Variants in USP9X observed in about 807,000 individuals in gnomAD.
The protein encoded by USP9X is ubiquitin specific peptidase 9 X-linked, also known as ubiquitin carboxyl-terminal hydrolase 9X.
USP9X carries 7 observed loss-of-function variants against 190.3 expected under a neutral mutation model. That is an observed-to-expected ratio of 0.04 (90% confidence interval 0.02 to 0.07). The LOEUF is 0.07. Ranked by LOEUF, USP9X falls within the 10% of genes least tolerant of loss-of-function variation. The pLI is 1.00. For missense variants in USP9X, 1,010 were observed against 1,916.9 expected (o/e 0.53, Z 8.83); for synonymous variants, 645 against 659.5 (o/e 0.98, Z 0.34).
chrX:41,085,832 G>A lies in USP9X; in HGVS notation c.-436G>A, dbSNP rs910835885. 2 of 297,509 alleles carry A rather than the reference G, an allele frequency of 6.7e-6. No individual in the cohort carries two copies. Among genetic ancestry groups the A allele is most frequent in the Non-Finnish European group, 1.2e-5 (2 of 170,633 alleles). 24.5% of individuals were successfully genotyped at this position (297,509 alleles called of 1,213,427 possible). A position where few individuals can be genotyped will look rare whatever the true frequency, so the allele number is the denominator to read the frequency against. ...CCGTCTGAGCTCAGCGAGAGCCCCA[G>A]CCTGAGGGGAGAAGGGGAAGAGGGC... On this transcript the variant is annotated 5_prime_UTR_variant, in exon 1 of 45. Coordinates refer to ENST00000378308, the MANE Select transcript of USP9X (RefSeq NM_001039591.3).
At chrX:41,128,012 T>C (rs2062271192) in intron 2 of USP9X, among the ~76,000 whole-genome samples, 1 of 112,043 alleles carries the variant, frequency 8.9e-6, no homozygotes, top group African/African-American at 3.2e-5. Flanking sequence ...GAAAATATTA[T>C]GCACTGTTAA....
At chrX:41,156,869 G>C (rs967404601) in intron 14 of USP9X, among the ~76,000 whole-genome samples, 1 of 111,584 alleles carries the variant, frequency 9.0e-6, no homozygotes, top group African/African-American at 3.3e-5. Flanking sequence ...GAGAGTGCTT[G>C]TGGCTCCCTT....
At chrX:41,110,204 GC>G (rs1429713251) in intron 1 of USP9X, among the ~76,000 whole-genome samples, 5 of 111,466 alleles carry the variant, frequency 4.5e-5, no homozygotes, top group African/African-American at 1.6e-4. Flanking sequence ...AGTAGCTGGG[GC>G]TATAGGTGTG....
chrX:41,215,309 C>T (rs958917847), intron 34 of USP9X, among the ~76,000 whole-genome samples: 1 of 112,715 alleles, frequency 8.9e-6, no homozygotes, highest in African/African-American at 3.2e-5. Context: ...AACCCTTTCA[C>T]CCTCAAGTCA....
chrX:41,211,838 G>T (rs1248412884), intron 33 of USP9X, among the ~76,000 whole-genome samples: 1 of 75,253 alleles, frequency 1.3e-5, no homozygotes, highest in Non-Finnish European at 2.6e-5. Context: ...GGAGGGAGGT[G>T]GGGGGGTCAG....
chrX:41,191,437 A>G (rs1238801894), intron 26 of USP9X, among the ~76,000 whole-genome samples: 1 of 111,587 alleles, frequency 9.0e-6, no homozygotes, highest in Non-Finnish European at 1.9e-5. Flanking sequence ...TGGAGTTTAT[A>G]ATCCTATAGT....
intron 1 of USP9X, among the ~76,000 whole-genome samples, chrX:41,120,307 C>G (rs1382626448): frequency 1.8e-5 from 2 of 112,074 alleles, no homozygotes; most frequent in Non-Finnish European, 3.8e-5. Context: ...AGGGATGATA[C>G]TAGTTCCTAC....
rs750378353 is a variant in USP9X at position 41,140,645 on chromosome X, T to C, written c.655-11T>C. ...GTAGGAAGTTAACTTTTTTCATTAA[T>C]TGTGTTACAGGGTTGGCTAGTGGAT... On this transcript the variant is annotated splice_polypyrimidine_tract_variant and intron_variant, in intron 6 of 44. Transcript: ENST00000378308. The C allele has an allele frequency of 2.6e-6, 3 of 1,166,983 alleles. No individual in the cohort carries two copies. In the African/African-American group the frequency reaches 5.4e-5, roughly 21 times the overall value.
In USP9X at chrX:41,138,883, T is replaced by C. The variant is rs1334098775; in HGVS notation, c.655-1773T>C. On this transcript the variant is annotated intron_variant, in intron 6 of 44. Coordinates refer to ENST00000378308, the MANE Select transcript of USP9X (RefSeq NM_001039591.3). ...TGTAAGCTATGTGGTCATTTTGAATTTTCTATTTAGGGCGACTGATCTTTC... is the reference window on the plus strand; with the variant it reads ...TGTAAGCTATGTGGTCATTTTGAATCTTCTATTTAGGGCGACTGATCTTTC... Among the ~76,000 whole-genome samples, 3 of 112,851 alleles carry C rather than the reference T, an allele frequency of 2.7e-5. No homozygotes were observed. The Admixed American group carries it at 2.8e-4, about 11-fold the overall frequency.
In USP9X at chrX:41,140,660, G is replaced by T; in HGVS notation, c.659G>T (p.Trp220Leu). The change falls in exon 7 of 45, where the codon TGG becomes TTG. Residue 220 changes from tryptophan to leucine, a missense_variant. Coordinates refer to ENST00000378308, the MANE Select transcript of USP9X (RefSeq NM_001039591.3). Reference protein sequence around the residue: ...RSPDPRSPKGWLVDLLNKFGT... With the variant: ...RSPDPRSPKGLLVDLLNKFGT... ...TTTTCATTAATTGTGTTACAGGGTTGGCTAGTGGATCTTCTCAACAAATTT... is the reference window on the plus strand; with the variant it reads ...TTTTCATTAATTGTGTTACAGGGTTTGCTAGTGGATCTTCTCAACAAATTT... 1 of 1,196,815 alleles carries T rather than the reference G, an allele frequency of 8.4e-7. No individual in the cohort carries two copies. Among genetic ancestry groups the T allele is most frequent in the Non-Finnish European group, 1.1e-6 (1 of 886,001 alleles).
rs1229902330 is a variant in USP9X at position 41,124,129 on chromosome X, CTG to C, written c.96+407_96+408del. Among the ~76,000 whole-genome samples, 6 of 110,746 alleles carry C rather than the reference CTG, an allele frequency of 5.4e-5. No individual in the cohort carries two copies. In the South Asian group the frequency reaches 1.5e-3, roughly 28 times the overall value. On this transcript the variant is annotated intron_variant, in intron 2 of 44. Coordinates refer to ENST00000378308, the MANE Select transcript of USP9X (RefSeq NM_001039591.3). ...ATGTTCTAAATAATTTGTGAAGCAA[CTG>C]TTATTTTAAGTTTTGATTAACAAAA...
intron 1 of USP9X, among the ~76,000 whole-genome samples, chrX:41,092,948 T>C (rs1429274018): frequency 9.0e-6 from 1 of 110,938 alleles, no homozygotes; most frequent in Non-Finnish European, 1.9e-5. Context: ...TCATAGCTCA[T>C]TGTAGCCTGG....
At chrX:41,198,800 GT>G (rs1485616581) in intron 30 of USP9X, 50 bp downstream of exon 30, 1 of 1,067,448 alleles carries the variant, frequency 9.4e-7, no homozygotes, top group Admixed American at 2.9e-5. Context: ...ATGTTTCAAA[GT>G]TGTTTTCCTG....
chrX:41,101,423 C>CA (rs1223031371), intron 1 of USP9X, among the ~76,000 whole-genome samples: 236 of 93,558 alleles, frequency 2.5e-3, no homozygotes, highest in African/African-American at 4.5e-3. Context: ...ACCAAAAATA[C>CA]AAAAAAAAAA....
chrX:41,127,203 T>C (rs911482795), intron 2 of USP9X, among the ~76,000 whole-genome samples: 3 of 112,209 alleles, frequency 2.7e-5, no homozygotes, highest in Non-Finnish European at 5.6e-5. Context: ...TTGTTAGCAG[T>C]AAAAATTACC....
At chrX:41,181,325 C>T (rs1462178148) in intron 21 of USP9X, among the ~76,000 whole-genome samples, 3 of 91,626 alleles carry the variant, frequency 3.3e-5, no homozygotes, top group Non-Finnish European at 6.3e-5. Flanking sequence ...GTGTCCCAGG[C>T]TAGAGTGCAG....
rs1184813385 is a variant in USP9X at position 41,085,916 on chromosome X, G to C, written c.-352G>C. 10 of 296,216 alleles carry C rather than the reference G, an allele frequency of 3.4e-5. No homozygotes were observed. The highest frequency in any genetic ancestry group is 5.9e-5 in the Non-Finnish European group (10 of 170,267). 24.4% of individuals were successfully genotyped at this position (296,216 alleles called of 1,213,427 possible). A position where few individuals can be genotyped will look rare whatever the true frequency, so the allele number is the denominator to read the frequency against. On this transcript the variant is annotated 5_prime_UTR_variant, in exon 1 of 45. Transcript: ENST00000378308. ...CGGCGAGGAGCGAGTTCCGGCGCCG[G>C]TGTGCAGCCTTTTGGTTGAGACGCC...
intron 14 of USP9X, among the ~76,000 whole-genome samples, chrX:41,157,398 A>G (rs763795359): frequency 1.8e-5 from 2 of 110,903 alleles, no homozygotes; most frequent in South Asian, 7.7e-4. Flanking sequence ...TCTACTAGTC[A>G]AGGAGGCTTA....
rs760703914 is a variant in USP9X, at chrX:41,184,092, T to C, written c.3243T>C (p.Phe1081=). 1.0e-4 allele frequency: 126 copies of C among 1,208,676 alleles called. No homozygotes were observed. Among genetic ancestry groups the C allele is most frequent in the Non-Finnish European group, 1.4e-4 (124 of 894,593 alleles). ...SLSPSLDSLF[F]GPSASQVLYL... is the part of the protein sequence containing the mutation. ...GTCCATCTCTTGACTCACTTTTCTTTGGTCCTTCAGCCTCACAAGTGCTAT... is the reference window on the plus strand; with the variant it reads ...GTCCATCTCTTGACTCACTTTTCTTCGGTCCTTCAGCCTCACAAGTGCTAT... Residue 1081 remains phenylalanine (F), a synonymous_variant, in exon 22 of 45, where the codon TTT becomes TTC. Transcript: ENST00000378308.
Sources: gnomAD v4.1 joint callset for allele counts (sites outside exome capture counted in the v4.1 genomes callset) on GRCh38, gnomAD v4.1.1 for gene constraint, MANE v1.5 for transcripts, NCBI Gene and HGNC (gene_info 2026-07-23, HGNC 2026-07-21) for gene names.